The following CSMD2 variants were observed in gnomAD, a reference collection of about 807,000 sequenced individuals.
CSMD2 encodes the protein CUB and sushi domain-containing protein 2.
CSMD2 carries 130 observed loss-of-function variants against 398.5 expected under a neutral mutation model. The ratio of observed to expected loss-of-function variants is 0.33; its 90% confidence interval spans 0.28 to 0.38. The LOEUF (loss-of-function observed/expected upper bound fraction) is 0.38. CSMD2 is among the 10% of genes least tolerant of loss of function. The pLI is 1.00. For missense variants in CSMD2, 3,829 were observed against 4,764.9 expected (o/e 0.80, Z 5.78); for synonymous variants, 1,828 against 1,908.5 (o/e 0.96, Z 1.10).
chr1:34,165,456 C>G (rs1641803363), upstream of CSMD2, among the ~76,000 whole-genome samples: 1 of 152,198 alleles, frequency 6.6e-6, no homozygotes, highest in Non-Finnish European at 1.5e-5. Flanking sequence ...ACCTCCACCT[C>G]CAGATAAACC....
At chr1:33,605,879 A>C (rs1300842937) in intron 41 of CSMD2, 14 of 1,613,580 alleles carry the variant, frequency 8.7e-6, no homozygotes, top group Non-Finnish European at 1.2e-5. Context: ...AACCAGGATC[A>C]AGATCCCAGA....
intron 6 of CSMD2, among the ~76,000 whole-genome samples, chr1:33,831,404 C>A (rs1659539587): frequency 6.6e-6 from 1 of 152,058 alleles, no homozygotes; most frequent in African/African-American, 2.4e-5. Context: ...TCATATCCAG[C>A]CAAACTAAGC....
At chr1:34,122,158 A>G (rs564280979) in intron 1 of CSMD2, among the ~76,000 whole-genome samples, 1 of 151,974 alleles carries the variant, frequency 6.6e-6, no homozygotes, top group African/African-American at 2.4e-5. Context: ...AATTATCACA[A>G]CTCAGAGTAG....
Position 33,657,949 on chromosome 1 carries a change from T to A in CSMD2, c.4444A>T (p.Ile1482Phe). The change falls in exon 27 of 71, where the codon ATC becomes TTC. Residue 1482 changes from isoleucine (I) to phenylalanine (F), a missense_variant. Transcript: ENST00000373381. The stretch of plus-strand genomic sequence containing the variant: ...GCACCCTGCAGCTGCTTTGTACCGA[T>A]GCATGTTGGCGGGCTGGGCTGCCAG... ...FFWQPSPPTC[I>F]APCGGDLTGP... 6.2e-7 allele frequency: 1 copy of A among 1,613,266 alleles called. No individual in the cohort carries two copies. The highest frequency in any genetic ancestry group is 8.5e-7 in the Non-Finnish European group (1 of 1,179,306).
chr1:34,134,193 C>T (rs1282462967), intron 1 of CSMD2, among the ~76,000 whole-genome samples: 1 of 151,810 alleles, frequency 6.6e-6, no homozygotes, highest in Non-Finnish European at 1.5e-5. Context: ...ACATTAGAAA[C>T]ATCTGTTTGC....
At position 33,847,342 on chromosome 1, in the gene CSMD2, G is replaced by C. The variant is rs143408962; in HGVS notation, c.921-346C>G. On this transcript the variant is annotated intron_variant, in intron 5 of 70. Coordinates refer to ENST00000373381, the MANE Select transcript of CSMD2 (RefSeq NM_001281956.2). ...TGCTTGGAATATATTCACCTGTAAC[G>C]CTTTCTCCTGCCCATCCATGTCCCC... Among the ~76,000 whole-genome samples the C allele has an allele frequency of 4.9e-3, 736 of 151,356 alleles. 6 individuals carry two copies. The highest frequency in any genetic ancestry group is 0.017 in the African/African-American group (688 of 41,202).
intron 44 of CSMD2, among the ~76,000 whole-genome samples, chr1:33,596,248 C>A (rs1266177912): frequency 6.6e-6 from 1 of 152,044 alleles, no homozygotes; most frequent in Non-Finnish European, 1.5e-5. Context: ...TGGCTGTCCG[C>A]CTTCCTCTGC....
chr1:33,824,255 A>T (rs1557954309), intron 7 of CSMD2, among the ~76,000 whole-genome samples: 1 of 152,120 alleles, frequency 6.6e-6, no homozygotes, highest in Non-Finnish European at 1.5e-5. Flanking sequence ...AGAAAGAAAA[A>T]GCCTGTGAGG....
intron 67 of CSMD2, among the ~76,000 whole-genome samples, chr1:33,522,612 G>A (rs1005288939): frequency 1.1e-4 from 17 of 152,200 alleles, no homozygotes; most frequent in Non-Finnish European, 2.2e-4. Context: ...CTGTCCATGA[G>A]AATGCACTGT....
intron 29 of CSMD2, among the ~76,000 whole-genome samples, chr1:33,639,254 C>T (rs1021130234): frequency 3.3e-5 from 5 of 152,254 alleles, no homozygotes; most frequent in South Asian, 2.1e-4. Flanking sequence ...CAATCCTGGG[C>T]GCTGTCCTCC....
At chr1:33,830,854 C>A (rs1317607667) in intron 6 of CSMD2, among the ~76,000 whole-genome samples, 4 of 152,058 alleles carry the variant, frequency 2.6e-5, no homozygotes, top group African/African-American at 4.8e-5. Context: ...TCGAGAACTA[C>A]GTGAAGAGTG....
chr1:33,656,391 G>A (rs973266194), intron 27 of CSMD2, among the ~76,000 whole-genome samples: 8 of 152,188 alleles, frequency 5.3e-5, no homozygotes, highest in African/African-American at 1.7e-4. Context: ...AGCAGAATAC[G>A]TAGTGAAGAA....
intron 57 of CSMD2, among the ~76,000 whole-genome samples, chr1:33,544,665 T>G (rs920768602): frequency 6.6e-6 from 1 of 151,342 alleles, no homozygotes; most frequent in Non-Finnish European, 1.5e-5. Context: ...GAAGGGTGAG[T>G]CAGGGGAGGG....
chr1:33,911,084 C>T (rs890297036), intron 5 of CSMD2, among the ~76,000 whole-genome samples: 1 of 152,182 alleles, frequency 6.6e-6, no homozygotes, highest in Non-Finnish European at 1.5e-5. Context: ...CAGCACAGTG[C>T]TTGGCTATTA....
intron 5 of CSMD2, among the ~76,000 whole-genome samples, chr1:33,868,771 T>G (rs934724837): frequency 2.6e-5 from 4 of 151,976 alleles, no homozygotes; most frequent in Non-Finnish European, 5.9e-5. Context: ...CACAAATACA[T>G]ATATCGAATC....
intron 5 of CSMD2, 101 bp downstream of exon 5, chr1:33,917,993 G>A (rs1033887591): frequency 9.0e-6 from 9 of 1,001,296 alleles, no homozygotes; most frequent in Non-Finnish European, 1.4e-5. Flanking sequence ...GTGGCTAAGA[G>A]GCCTCTGGCT....
chr1:34,092,117 T>C (rs191991827), intron 1 of CSMD2, among the ~76,000 whole-genome samples: 270 of 152,322 alleles, frequency 1.8e-3, no homozygotes, highest in African/African-American at 6.1e-3. Context: ...ATCTTGTTTA[T>C]GGTAACTACA....
At position 33,771,727 on chromosome 1, in the gene CSMD2, C is replaced by T. The variant is rs552372976; in HGVS notation, c.1846+842G>A. Among the ~76,000 whole-genome samples, 8 of 152,160 alleles carry T rather than the reference C, an allele frequency of 5.3e-5. No individual in the cohort carries two copies. In the South Asian group the frequency reaches 1.0e-3, roughly 20 times the overall value. ...CGAGGCCCCAAGTAACCCACTGAGC[C>T]GGGTGAAGGATCTGAGGGTCAGGCT... On this transcript the variant is annotated intron_variant, in intron 13 of 70. Transcript: ENST00000373381.
At chr1:34,034,821 G>A (rs1256334521) in intron 2 of CSMD2, among the ~76,000 whole-genome samples, 1 of 152,180 alleles carries the variant, frequency 6.6e-6, no homozygotes, top group East Asian at 1.9e-4. Context: ...AAAAGATAAT[G>A]AGAAAAGTGC....
Sources: allele counts gnomAD v4.1 joint callset (sites outside exome capture counted in the v4.1 genomes callset), GRCh38; gene constraint gnomAD v4.1.1; transcripts MANE v1.5; gene names NCBI Gene and HGNC (gene_info 2026-07-23, HGNC 2026-07-21).